The following ACAP2 variants were observed in gnomAD, a reference collection of about 807,000 sequenced individuals.
ACAP2 encodes the protein ArfGAP with coiled-coil, ankyrin repeat and PH domains 2.
Under a neutral mutation model 115.8 loss-of-function variants are expected in ACAP2, and 39 were observed. That is an observed-to-expected ratio of 0.34 (90% CI 0.26 to 0.44). The LOEUF (loss-of-function observed/expected upper bound fraction) is 0.44. Among genes scored for constraint, ACAP2 ranks in the 20% least tolerant of loss-of-function variants. The pLI is 1.00. For synonymous variants in ACAP2, 289 were observed against 315.8 expected (o/e 0.92, Z 0.90); for missense variants, 662 against 927.6 (o/e 0.71, Z 3.72).
At chr3:195,392,578 C>G (rs1017525888) in intron 1 of ACAP2, among the ~76,000 whole-genome samples, 1 of 152,298 alleles carries the variant, frequency 6.6e-6, no homozygotes, top group East Asian at 1.9e-4. Context: ...CAATACCACC[C>G]TTGTTTTGTT....
At chr3:195,329,079 C>CAAA (rs57471736) in intron 8 of ACAP2, among the ~76,000 whole-genome samples, 3 of 93,830 alleles carry the variant, frequency 3.2e-5, no homozygotes, top group South Asian at 3.0e-4. Context: ...GACTCCGTCT[C>CAAA]AAAAAAAAAA....
chr3:195,396,656 G>A (rs1363891624), intron 1 of ACAP2, among the ~76,000 whole-genome samples: 1 of 151,432 alleles, frequency 6.6e-6, no homozygotes, highest in African/African-American at 2.4e-5. Flanking sequence ...GCATGGTGGC[G>A]CATGTCTGTA....
chr3:195,407,036 G>C (rs371917874), intron 1 of ACAP2, among the ~76,000 whole-genome samples: 1 of 151,738 alleles, frequency 6.6e-6, no homozygotes, highest in Non-Finnish European at 1.5e-5. Context: ...AGGATCCTAT[G>C]AGAGAGAGAG....
At chr3:195,412,565 T>C (rs891847854) in intron 1 of ACAP2, among the ~76,000 whole-genome samples, 1 of 151,984 alleles carries the variant, frequency 6.6e-6, no homozygotes, top group Non-Finnish European at 1.5e-5. Context: ...TGAGCTGAGA[T>C]GGCACACTGC....
chr3:195,336,672 T>G, intron 7 of ACAP2: 1 of 364,892 alleles, frequency 2.7e-6, no homozygotes, highest in Non-Finnish European at 4.9e-6. Flanking sequence ...CATATGAGGA[T>G]AAAAGAAAAC....
At chr3:195,302,319 T>C in intron 13 of ACAP2, 145 bp from the exon 14 acceptor site, 1 of 705,370 alleles carries the variant, frequency 1.4e-6, no homozygotes, top group South Asian at 2.1e-5. Context: ...TAGCTAGAAA[T>C]TCAAGGATAA....
In ACAP2 at chr3:195,423,264, C is replaced by T. The variant is rs991936550; in HGVS notation, c.53+19531G>A. On this transcript the variant is annotated intron_variant, in intron 1 of 22. Transcript: ENST00000326793. ...GCAAATGTGCCAAAATAGTAACAAC[C>T]GGTAACTCTAGATGAAGGCTAGACA... is the stretch of plus-strand genomic sequence containing the variant. 6.6e-5 allele frequency among the ~76,000 whole-genome samples: 10 copies of T among 152,118 alleles called. No individual in the cohort carries two copies. In the East Asian group the frequency reaches 1.5e-3, roughly 23 times the overall value.
chr3:195,391,935 C>T (rs933965750), intron 2 of ACAP2, among the ~76,000 whole-genome samples, 155 bp downstream of exon 2: 1 of 152,042 alleles, frequency 6.6e-6, no homozygotes, highest in Non-Finnish European at 1.5e-5. Flanking sequence ...ACGGAGGTTG[C>T]AGTGAGCTGA....
Position 195,306,490 on chromosome 3 carries a change from AT to A in ACAP2, c.1116+20del. 1 of 1,531,496 alleles carries A rather than the reference AT, an allele frequency of 6.5e-7. No individual in the cohort carries two copies. Among genetic ancestry groups the A allele is most frequent in the South Asian group, 1.2e-5 (1 of 82,226 alleles). 94.9% of individuals were successfully genotyped at this position (1,531,496 alleles called of 1,614,324 possible). A position where few individuals can be genotyped will look rare whatever the true frequency, so the allele number is the denominator to read the frequency against. The stretch of plus-strand genomic sequence containing the variant: ...GAATTTTGGCAATATATTATCTGGT[AT>A]TGCTAATACCTCTACTAACCTCTGA... On this transcript the variant is annotated intron_variant, in intron 13 of 22. Transcript: ENST00000326793.
In ACAP2 at chr3:195,405,355, T is replaced by TA. The variant is rs149193896; in HGVS notation, c.54-13209dup. On this transcript the variant is annotated intron_variant, in intron 1 of 22. Coordinates refer to ENST00000326793, the MANE Select transcript of ACAP2 (RefSeq NM_012287.6). ...ACTTCCAATTAATTTCATCAACTGT[T>TA]AAGGATGATGTATTGGTCTGTTCTT... Among the ~76,000 whole-genome samples, 773 of 152,270 alleles carry TA rather than the reference T, an allele frequency of 5.1e-3. 4 individuals carry two copies. The highest frequency in any genetic ancestry group is 9.1e-3 in the Non-Finnish European group (619 of 68,014).
chr3:195,340,097 T>C (rs1411775587), intron 6 of ACAP2, among the ~76,000 whole-genome samples: 2 of 151,052 alleles, frequency 1.3e-5, no homozygotes, highest in Non-Finnish European at 2.9e-5. Context: ...GTAAAAGCAA[T>C]GCAAGGCAGA....
chr3:195,285,549 T>C (rs1053046364), intron 22 of ACAP2: 5 of 396,804 alleles, frequency 1.3e-5, no homozygotes, highest in Admixed American at 4.3e-5. Flanking sequence ...CAGAGTGAAA[T>C]AGAGCAAGTC....
chr3:195,372,532 G>T (rs1320536709), intron 4 of ACAP2, among the ~76,000 whole-genome samples: 2 of 151,800 alleles, frequency 1.3e-5, no homozygotes, highest in Non-Finnish European at 2.9e-5. Context: ...CTCTAAAAAA[G>T]AAAAAAAGCC....
At chr3:195,428,363 C>T (rs999009369) in intron 1 of ACAP2, among the ~76,000 whole-genome samples, 9 of 150,116 alleles carry the variant, frequency 6.0e-5, no homozygotes, top group African/African-American at 9.8e-5. Context: ...CACACACACA[C>T]TCATATATAT....
chr3:195,318,771 G>A (rs1159957356), intron 10 of ACAP2, among the ~76,000 whole-genome samples: 1 of 152,216 alleles, frequency 6.6e-6, no homozygotes, highest in African/African-American at 2.4e-5. Context: ...AAAATTTGCA[G>A]CCTGACCATG....
chr3:195,286,238 T>C (rs1726835311), intron 21 of ACAP2, among the ~76,000 whole-genome samples: 1 of 152,214 alleles, frequency 6.6e-6, no homozygotes, highest in Admixed American at 6.5e-5. Context: ...GAACCTGTCA[T>C]AAGTTCACTC....
intron 1 of ACAP2, among the ~76,000 whole-genome samples, chr3:195,437,350 G>C (rs1345271219): frequency 6.6e-6 from 1 of 152,116 alleles, no homozygotes; most frequent in Non-Finnish European, 1.5e-5. Context: ...CCTAACAAAT[G>C]AAATTAAAGC....
chr3:195,366,547 T>C (rs1453677326), intron 4 of ACAP2, among the ~76,000 whole-genome samples: 1 of 152,212 alleles, frequency 6.6e-6, no homozygotes, highest in Non-Finnish European at 1.5e-5. Context: ...CACCCCAGTC[T>C]TGTTAGAAAT....
At chr3:195,428,893 G>A (rs1045281742) in intron 1 of ACAP2, among the ~76,000 whole-genome samples, 1 of 152,026 alleles carries the variant, frequency 6.6e-6, no homozygotes, top group African/African-American at 2.4e-5. Flanking sequence ...TTATAAACAC[G>A]TTTACCCCTT....
Sources: allele counts gnomAD v4.1 joint callset (sites outside exome capture counted in the v4.1 genomes callset), GRCh38; gene constraint gnomAD v4.1.1; transcripts MANE v1.5; gene names NCBI Gene and HGNC (gene_info 2026-07-23, HGNC 2026-07-21).